The following TNRC6A variants were observed in gnomAD, a reference collection of about 807,000 sequenced individuals.
TNRC6A encodes the protein trinucleotide repeat-containing gene 6A protein.
Under a neutral mutation model 221.2 loss-of-function variants are expected in TNRC6A, and 44 were observed. The observed-to-expected ratio is 0.20, with a 90% CI of 0.16 to 0.26. The LOEUF is 0.26. Ranked by LOEUF, TNRC6A falls within the 10% of genes least tolerant of loss-of-function variation. The probability of loss-of-function intolerance (pLI) is 1.00; values close to 1 mark genes in which losing one functional copy is unlikely to be tolerated. For missense variants in TNRC6A, 2,199 were observed against 2,404.4 expected, an observed-to-expected ratio of 0.91 and a Z score of 1.79; for synonymous variants, 847 against 838.5, an observed-to-expected ratio of 1.01 and a Z score of -0.18.
intron 2 of TNRC6A, among the ~76,000 whole-genome samples, chr16:24,746,155 CTT>C: frequency 6.6e-6 from 1 of 152,176 alleles, no homozygotes; most frequent in South Asian, 2.1e-4. Flanking sequence ...TTATACCTGT[CTT>C]ACTTCACTAA....
At chr16:24,698,698 G>A (rs2055910842) in intron 2 of TNRC6A, among the ~76,000 whole-genome samples, 1 of 152,072 alleles carries the variant, frequency 6.6e-6, no homozygotes, top group South Asian at 2.1e-4. Context: ...GTTTCCCTAG[G>A]GTCTTTGGGG....
intron 2 of TNRC6A, among the ~76,000 whole-genome samples, chr16:24,745,345 T>C (rs1012373785): frequency 6.6e-6 from 1 of 151,816 alleles, no homozygotes; most frequent in Admixed American, 6.6e-5. Flanking sequence ...CAGGTTTTGG[T>C]GATTAATTTA....
At chr16:24,651,907 T>C (rs902004651) in intron 2 of TNRC6A, among the ~76,000 whole-genome samples, 4 of 149,138 alleles carry the variant, frequency 2.7e-5, no homozygotes, top group African/African-American at 9.9e-5. Context: ...GAGACCAGTC[T>C]GGGCAACATA....
At chr16:24,672,013 T>A (rs376822681) in intron 2 of TNRC6A, among the ~76,000 whole-genome samples, 1 of 152,340 alleles carries the variant, frequency 6.6e-6, no homozygotes, top group East Asian at 1.9e-4. Flanking sequence ...GTTGGTGAAA[T>A]TTTAATATGG....
chr16:24,817,049 C>A (rs2058671648), intron 20 of TNRC6A, 93 bp downstream of exon 20: 1 of 1,320,102 alleles, frequency 7.6e-7, no homozygotes, highest in Non-Finnish European at 9.8e-7. Flanking sequence ...CGACTGAGCC[C>A]AGGGTACTCT....
chr16:24,788,436 A>G (rs2058020669), intron 5 of TNRC6A, among the ~76,000 whole-genome samples: 1 of 152,230 alleles, frequency 6.6e-6, no homozygotes, highest in Non-Finnish European at 1.5e-5. Flanking sequence ...TACCATTCTT[A>G]TAAATTTTTA....
intron 1 of TNRC6A, among the ~76,000 whole-genome samples, chr16:24,636,378 T>A (rs962122422): frequency 3.9e-5 from 6 of 151,932 alleles, no homozygotes; most frequent in Admixed American, 3.9e-4. Flanking sequence ...TGTGATTTTT[T>A]TTTTTTTTTT....
chr16:24,784,479 A>G (rs1190965357), intron 5 of TNRC6A, among the ~76,000 whole-genome samples: 2 of 152,086 alleles, frequency 1.3e-5, no homozygotes, highest in East Asian at 3.8e-4. Flanking sequence ...ATATGCTACT[A>G]CACCCAGCTG....
intron 4 of TNRC6A, among the ~76,000 whole-genome samples, chr16:24,773,740 T>A (rs1011899933): frequency 5.3e-5 from 8 of 152,210 alleles, no homozygotes; most frequent in African/African-American, 1.2e-4. Context: ...TTGTTTTTTT[T>A]ATTATGAATA....
chr16:24,698,991 G>A (rs1216948401), intron 2 of TNRC6A, among the ~76,000 whole-genome samples: 4 of 152,290 alleles, frequency 2.6e-5, no homozygotes, highest in Admixed American at 6.5e-5. Flanking sequence ...TTACAGGGGT[G>A]TGCCAACACT....
chr16:24,804,880 C>G, intron 13 of TNRC6A, 29 bp downstream of exon 13: 2 of 1,613,530 alleles, frequency 1.2e-6, no homozygotes, highest in Non-Finnish European at 1.7e-6. Flanking sequence ...TTTAGGCTCT[C>G]AGTTGAATGA....
chr16:24,646,824 A>G (rs1263703602), intron 2 of TNRC6A, among the ~76,000 whole-genome samples: 1 of 152,228 alleles, frequency 6.6e-6, no homozygotes, highest in Non-Finnish European at 1.5e-5. Flanking sequence ...GCAATTTTCC[A>G]AAATTTGAAT....
chr16:24,729,881 G>A (rs2056580065), intron 1 of TNRC6A, 35 bp downstream of exon 1: 2 of 1,254,644 alleles, frequency 1.6e-6, no homozygotes, highest in Non-Finnish European at 2.0e-6. Context: ...CGGGCGGGAG[G>A]AGCCGCGGGC....
chr16:24,806,509 A>G (rs897007438), intron 16 of TNRC6A, 65 bp from the exon 17 acceptor site: 11 of 1,566,332 alleles, frequency 7.0e-6, no homozygotes, highest in Admixed American at 1.7e-5. Context: ...ATGGAGAGGA[A>G]TATGTAGTTT....
chr16:24,747,799 T>C (rs1165769119), intron 2 of TNRC6A, among the ~76,000 whole-genome samples: 1 of 152,168 alleles, frequency 6.6e-6, no homozygotes. Context: ...GGTACATCTT[T>C]TAAGTACTAA....
chr16:24,717,554 C>T (rs1413798329), intron 2 of TNRC6A, among the ~76,000 whole-genome samples: 7 of 152,060 alleles, frequency 4.6e-5, no homozygotes, highest in East Asian at 1.9e-4. Context: ...GTGGATCTGG[C>T]GGCAGGCCCG....
At chr16:24,802,422 A>G (rs11074654) in intron 11 of TNRC6A, among the ~76,000 whole-genome samples, 49,131 of 151,846 alleles carry the variant, frequency 0.32, 8,254 homozygotes, top group East Asian at 0.47. Flanking sequence ...GGTGGTACAT[A>G]CCTCTGGGCC....
At position 24,729,668 on chromosome 16, in the gene TNRC6A, TGCGGCGGCGGCGGTGTCGGCGGCG is replaced by T. The variant is rs1392401399; in HGVS notation, c.-160_-137del. The T allele has an allele frequency of 6.4e-4, 413 of 649,440 alleles. 15 individuals are homozygous for T. Among genetic ancestry groups the T allele is most frequent in the Middle Eastern group, 3.0e-3 (6 of 1,984 alleles). The allele number at this position is 649,440 out of a possible 1,614,324, so 40.2% of individuals were successfully genotyped here. ...GGGCATTCACTTCCGGTCTGGGGCC[TGCGGCGGCGGCGGTGTCGGCGGCG>T]GCGGCGGCGGCGGCGGCGGCGGCGG... On this transcript the variant is annotated 5_prime_UTR_variant, in exon 1 of 25. Coordinates refer to ENST00000395799, the MANE Select transcript of TNRC6A (RefSeq NM_014494.4).
intron 1 of TNRC6A, among the ~76,000 whole-genome samples, chr16:24,618,072 G>T (rs909914975): frequency 1.3e-5 from 2 of 151,560 alleles, no homozygotes; most frequent in African/African-American, 4.9e-5. Flanking sequence ...TAATTTTTGT[G>T]TTTTTTTATT....
Sources: allele counts gnomAD v4.1 joint callset (sites outside exome capture counted in the v4.1 genomes callset), GRCh38; gene constraint gnomAD v4.1.1; transcripts MANE v1.5; gene names NCBI Gene and HGNC (gene_info 2026-07-23, HGNC 2026-07-21).